The following OPCML variants were observed in gnomAD, a reference collection of about 807,000 sequenced individuals.
The protein encoded by OPCML is opioid-binding protein/cell adhesion molecule.
In OPCML, 13 loss-of-function variants were observed where a neutral mutation model predicts 37.8. The observed-to-expected ratio is 0.34, with a 90% CI of 0.22 to 0.55. OPCML has a LOEUF of 0.55. Ranked by LOEUF, OPCML falls within the 20% of genes least tolerant of loss-of-function variation. The probability of loss-of-function intolerance (pLI) is 0.91; values close to 1 mark genes in which losing one functional copy is unlikely to be tolerated. For synonymous variants in OPCML, 176 were observed against 168.8 expected (o/e 1.04, Z -0.33); for missense variants, 341 against 435.6 (o/e 0.78, Z 1.93).
intron 4 of OPCML, among the ~76,000 whole-genome samples, chr11:132,472,379 A>C (rs2096140750): frequency 6.6e-6 from 1 of 152,210 alleles, no homozygotes; most frequent in Non-Finnish European, 1.5e-5. Context: ...GCCGAGGGTT[A>C]ACACAATCCA....
chr11:133,448,107 T>C (rs1168215302), intron 1 of OPCML, among the ~76,000 whole-genome samples: 5 of 152,234 alleles, frequency 3.3e-5, no homozygotes, highest in African/African-American at 1.2e-4. Flanking sequence ...AAGAACTCTT[T>C]GCATAACCCA....
rs11223101 is a variant in OPCML at position 132,520,506 on chromosome 11, G to C, written c.505+8555C>G. Among the ~76,000 whole-genome samples the C allele has an allele frequency of 9.2e-3, 1,398 of 152,082 alleles. 104 individuals are homozygous for C. The East Asian group carries it at 0.18, about 20-fold the overall frequency. On this transcript the variant is annotated intron_variant, in intron 4 of 7. Coordinates refer to ENST00000524381, the MANE Select transcript of OPCML (RefSeq NM_001012393.5). ...TCTTATATAAGCATATATAGGAATA[G>C]GTTGTTAATGGAATACTAGAGACTC... is the stretch of plus-strand genomic sequence containing the variant.
chr11:132,758,286 G>A (rs915637214), intron 2 of OPCML, among the ~76,000 whole-genome samples: 3 of 152,154 alleles, frequency 2.0e-5, no homozygotes, highest in Non-Finnish European at 4.4e-5. Flanking sequence ...TGGCTGTACG[G>A]CCTCTTCTTT....
intron 2 of OPCML, among the ~76,000 whole-genome samples, chr11:132,764,263 G>A (rs1946364722): frequency 6.6e-6 from 1 of 152,172 alleles, no homozygotes; most frequent in African/African-American, 2.4e-5. Flanking sequence ...GTATAGAGTG[G>A]GTGAGGTTTT....
At chr11:132,843,649 T>C (rs919974651) in intron 2 of OPCML, among the ~76,000 whole-genome samples, 1 of 151,912 alleles carries the variant, frequency 6.6e-6, no homozygotes, top group Non-Finnish European at 1.5e-5. Context: ...TGTTGAAGAA[T>C]GAATAACAAC....
intron 1 of OPCML, among the ~76,000 whole-genome samples, chr11:133,202,686 C>A (rs1279746454): frequency 1.3e-5 from 2 of 152,228 alleles, no homozygotes; most frequent in South Asian, 2.1e-4. Context: ...AGTTACCCTG[C>A]AAGTTAGGCC....
At chr11:132,438,234 AC>A (rs1397642153) in intron 4 of OPCML, among the ~76,000 whole-genome samples, 1 of 152,226 alleles carries the variant, frequency 6.6e-6, no homozygotes, top group African/African-American at 2.4e-5. Flanking sequence ...TGCAAAGACA[AC>A]AGACCCTCTG....
chr11:132,831,543 C>A (rs557744694), intron 2 of OPCML, among the ~76,000 whole-genome samples: 1 of 152,234 alleles, frequency 6.6e-6, no homozygotes, highest in South Asian at 2.1e-4. Context: ...CATTTTCCCT[C>A]TACTTAGACA....
In OPCML at chr11:132,971,789, C is replaced by A. The variant is rs935342216; in HGVS notation, c.62-28779G>T. 5.3e-5 allele frequency among the ~76,000 whole-genome samples: 8 copies of A among 152,254 alleles called. No individual in the cohort carries two copies. The South Asian group carries it at 1.7e-3, about 32-fold the overall frequency. Reference sequence around the variant, plus strand: ...CTTTACTCTCTTTCCCTCCCGCCTCCAAACCACACCAATACTGGCTTTATT... The same window carrying A: ...CTTTACTCTCTTTCCCTCCCGCCTCAAAACCACACCAATACTGGCTTTATT... On this transcript the variant is annotated intron_variant, in intron 1 of 7. Transcript: ENST00000524381.
chr11:132,543,717 A>G (rs2096362557), intron 3 of OPCML, among the ~76,000 whole-genome samples: 1 of 152,166 alleles, frequency 6.6e-6, no homozygotes, highest in Non-Finnish European at 1.5e-5. Context: ...TCTTTATAAT[A>G]TAGAAAGTAC....
At chr11:133,311,766 A>G (rs979820567) in intron 1 of OPCML, among the ~76,000 whole-genome samples, 2 of 152,228 alleles carry the variant, frequency 1.3e-5, no homozygotes, top group African/African-American at 2.4e-5. Flanking sequence ...GTCAAGGCCC[A>G]GGTTTGGGGA....
intron 1 of OPCML, among the ~76,000 whole-genome samples, chr11:133,141,757 A>G (rs1949826942): frequency 6.6e-6 from 1 of 152,146 alleles, no homozygotes; most frequent in South Asian, 2.1e-4. Context: ...CTTCCCACTC[A>G]AATGTTTCCC....
At chr11:132,851,914 T>C (rs1199977767) in intron 2 of OPCML, among the ~76,000 whole-genome samples, 1 of 151,872 alleles carries the variant, frequency 6.6e-6, no homozygotes, top group Non-Finnish European at 1.5e-5. Context: ...GTGAAGGAGT[T>C]CAGGACACGC....
At chr11:133,061,055 G>T (rs1462751664) in intron 1 of OPCML, among the ~76,000 whole-genome samples, 1 of 152,168 alleles carries the variant, frequency 6.6e-6, no homozygotes, top group Non-Finnish European at 1.5e-5. Flanking sequence ...TTAGTGTTGG[G>T]GAGTGTCCCT....
intron 3 of OPCML, among the ~76,000 whole-genome samples, chr11:132,563,848 T>A (rs995017697): frequency 6.6e-6 from 1 of 152,132 alleles, no homozygotes; most frequent in Non-Finnish European, 1.5e-5. Flanking sequence ...ATTTTTTTAA[T>A]CAGTGAGACT....
chr11:133,197,535 G>A (rs1045140134), intron 1 of OPCML, among the ~76,000 whole-genome samples: 6 of 152,112 alleles, frequency 3.9e-5, no homozygotes, highest in African/African-American at 1.4e-4. Context: ...GGGTGACTAA[G>A]GTCTGGAAAT....
intron 7 of OPCML, among the ~76,000 whole-genome samples, chr11:132,429,422 T>G (rs2095988980): frequency 1.3e-5 from 2 of 152,180 alleles, no homozygotes; most frequent in African/African-American, 4.8e-5. Context: ...GATGGAGAAG[T>G]CAGAGGAAAG....
At chr11:132,524,821 G>C (rs970870492) in intron 4 of OPCML, among the ~76,000 whole-genome samples, 2 of 152,112 alleles carry the variant, frequency 1.3e-5, no homozygotes, top group African/African-American at 4.8e-5. Context: ...TGGAAACTTG[G>C]GGATGCTTCA....
At chr11:132,561,436 G>T (rs2096410498) in intron 3 of OPCML, among the ~76,000 whole-genome samples, 2 of 152,270 alleles carry the variant, frequency 1.3e-5, no homozygotes, top group Admixed American at 6.5e-5. Context: ...CTCATCAGCT[G>T]CTCTGCTCCC....
Sources: allele counts gnomAD v4.1 joint callset (sites outside exome capture counted in the v4.1 genomes callset), GRCh38; gene constraint gnomAD v4.1.1; transcripts MANE v1.5; gene names NCBI Gene and HGNC (gene_info 2026-07-23, HGNC 2026-07-21).